The following ELMO1 variants were observed in gnomAD, a reference collection of about 807,000 sequenced individuals.
ELMO1 encodes engulfment and cell motility 1.
Under a neutral mutation model 98.9 loss-of-function variants are expected in ELMO1, and 26 were observed. That is an observed-to-expected ratio of 0.26 (90% CI 0.19 to 0.36). ELMO1 has a LOEUF of 0.36. ELMO1 is among the 10% of genes least tolerant of loss of function. The pLI, the probability that ELMO1 is intolerant of heterozygous loss-of-function variation, is 1.00. For synonymous variants in ELMO1, 346 were observed against 346.0 expected, an observed-to-expected ratio of 1.00 and a Z score of 0.00; for missense variants, 627 against 935.2, an observed-to-expected ratio of 0.67 and a Z score of 4.30.
intron 8 of ELMO1, among the ~76,000 whole-genome samples, chr7:37,232,173 A>C (rs1248880328): frequency 6.6e-6 from 1 of 152,192 alleles, no homozygotes; most frequent in African/African-American, 2.4e-5. Flanking sequence ...AAAAGGCTTA[A>C]AAACTTCAAG....
At chr7:37,022,884 T>C (rs1047300716) in intron 15 of ELMO1, among the ~76,000 whole-genome samples, 10 of 152,218 alleles carry the variant, frequency 6.6e-5, no homozygotes, top group Non-Finnish European at 1.5e-4. Context: ...TACAGCAGCA[T>C]ACTTACTACA....
At chr7:37,078,853 C>T (rs983204035) in intron 15 of ELMO1, among the ~76,000 whole-genome samples, 2 of 151,806 alleles carry the variant, frequency 1.3e-5, no homozygotes, top group Non-Finnish European at 2.9e-5. Context: ...TGGATAGTTA[C>T]AATATATTAA....
intron 15 of ELMO1, among the ~76,000 whole-genome samples, chr7:37,042,151 A>AC (rs1278233833): frequency 7.4e-6 from 1 of 135,036 alleles, no homozygotes; most frequent in African/African-American, 2.8e-5. Context: ...AAACCATCCC[A>AC]CCACTGCACT....
intron 1 of ELMO1, among the ~76,000 whole-genome samples, chr7:37,421,782 C>A (rs1051369157): frequency 6.6e-6 from 1 of 152,162 alleles, no homozygotes; most frequent in African/African-American, 2.4e-5. Flanking sequence ...TAAAAACAGC[C>A]ATGCATTATA....
chr7:37,148,069 C>A (rs1788113993), intron 13 of ELMO1, among the ~76,000 whole-genome samples: 1 of 152,188 alleles, frequency 6.6e-6, no homozygotes, highest in Admixed American at 6.5e-5. Context: ...AGCAGAGACA[C>A]TGTCTAGGGA....
At chr7:37,416,774 A>G (rs1804234165) in intron 1 of ELMO1, among the ~76,000 whole-genome samples, 2 of 152,240 alleles carry the variant, frequency 1.3e-5, no homozygotes, top group African/African-American at 2.4e-5. Context: ...TGCAAAGAGT[A>G]GCATAAGAGA....
At chr7:37,210,031 G>C (rs1792864570) in intron 13 of ELMO1, among the ~76,000 whole-genome samples, 1 of 152,080 alleles carries the variant, frequency 6.6e-6, no homozygotes, top group Non-Finnish European at 1.5e-5. Context: ...TAACTGGACA[G>C]AGTGTTAGTT....
At chr7:37,328,725 C>A (rs765463969) in intron 2 of ELMO1, among the ~76,000 whole-genome samples, 4 of 152,172 alleles carry the variant, frequency 2.6e-5, no homozygotes, top group African/African-American at 9.7e-5. Context: ...AACACTGGAA[C>A]GTTTGATACC....
chr7:36,860,834 A>G (rs1802574404), intron 21 of ELMO1, among the ~76,000 whole-genome samples: 1 of 152,226 alleles, frequency 6.6e-6, no homozygotes, highest in African/African-American at 2.4e-5. Flanking sequence ...TCTCTTTGGG[A>G]TATACAATTT....
intron 15 of ELMO1, among the ~76,000 whole-genome samples, chr7:37,033,703 A>G (rs2129187787): frequency 6.6e-6 from 1 of 152,328 alleles, no homozygotes; most frequent in East Asian, 1.9e-4. Context: ...TTGCAAGGCA[A>G]ATCTGTCCCA....
chr7:37,223,505 G>A (rs1359251787), intron 9 of ELMO1, among the ~76,000 whole-genome samples: 3 of 152,140 alleles, frequency 2.0e-5, no homozygotes, highest in African/African-American at 4.8e-5. Flanking sequence ...TTATTTCATG[G>A]GATTGCTGTG....
intron 20 of ELMO1, among the ~76,000 whole-genome samples, chr7:36,868,164 T>C (rs1803180357): frequency 6.6e-6 from 1 of 152,220 alleles, no homozygotes. Context: ...TCTATCAGTT[T>C]CATAACTCAT....
At chr7:36,885,436 C>T (rs1804888171) in intron 18 of ELMO1, among the ~76,000 whole-genome samples, 1 of 152,154 alleles carries the variant, frequency 6.6e-6, no homozygotes, top group Non-Finnish European at 1.5e-5. Flanking sequence ...AGGGAAGTCT[C>T]ATGACGCAGT....
chr7:37,189,870 C>T (rs1362577325), intron 13 of ELMO1, among the ~76,000 whole-genome samples: 1 of 152,154 alleles, frequency 6.6e-6, no homozygotes, highest in Non-Finnish European at 1.5e-5. Context: ...TATCATACTA[C>T]ATTTTTATCT....
intron 4 of ELMO1, among the ~76,000 whole-genome samples, chr7:37,276,985 C>T (rs1304661782): frequency 2.0e-5 from 3 of 152,168 alleles, no homozygotes; most frequent in Admixed American, 6.5e-5. Flanking sequence ...TCTTCCTCAC[C>T]CCTAGGATGT....
chr7:37,353,573 G>T (rs12532822), intron 1 of ELMO1: 19,376 of 152,044 alleles, frequency 0.13, 1,484 homozygotes, highest in Non-Finnish European at 0.18. Context: ...ATAAGCAGCA[G>T]CAAGATTTAT....
chr7:36,868,570 G>A (rs1208574246), intron 20 of ELMO1, among the ~76,000 whole-genome samples: 3 of 151,978 alleles, frequency 2.0e-5, no homozygotes, highest in Admixed American at 6.6e-5. Context: ...TGCTGGTCTC[G>A]AACTCCTGAC....
chr7:37,107,027 G>A (rs963014811), intron 14 of ELMO1, among the ~76,000 whole-genome samples: 12 of 152,126 alleles, frequency 7.9e-5, no homozygotes, highest in Non-Finnish European at 1.8e-4. Context: ...CAAACTATCA[G>A]CTGAATTCTA....
intron 14 of ELMO1, among the ~76,000 whole-genome samples, chr7:37,103,878 C>A (rs1584648429): frequency 7.2e-6 from 1 of 138,892 alleles, no homozygotes; most frequent in East Asian, 1.9e-4. Flanking sequence ...GTGGCGGGCA[C>A]CTGTAGTCCC....
Sources: gnomAD v4.1 joint callset for allele counts (sites outside exome capture counted in the v4.1 genomes callset) on GRCh38, gnomAD v4.1.1 for gene constraint, MANE v1.5 for transcripts, NCBI Gene and HGNC (gene_info 2026-07-23, HGNC 2026-07-21) for gene names.